OXR1: variants seen among roughly 807,000 people sequenced by gnomAD.
The protein encoded by OXR1 is oxidation resistance 1, also known as oxidation resistance protein 1.
OXR1 carries 41 observed loss-of-function variants against 104.6 expected under a neutral mutation model. The observed-to-expected ratio is 0.39, with a 90% CI of 0.31 to 0.51. The LOEUF is 0.51. Ranked by LOEUF, OXR1 falls within the 20% of genes least tolerant of loss-of-function variation. The pLI is 0.77. For missense variants in OXR1, 955 were observed against 1,031.9 expected (o/e 0.93, Z 1.02); for synonymous variants, 348 against 348.4 (o/e 1.00, Z 0.01).
intron 3 of OXR1, among the ~76,000 whole-genome samples, chr8:106,575,985 AACACACACACACACACAC>A (rs35038334): frequency 6.9e-6 from 1 of 144,296 alleles, no homozygotes; most frequent in African/African-American, 2.6e-5. Flanking sequence ...AAATGTTTAT[AACACACACACACACACAC>A]ACACACACAC....
At chr8:106,366,843 G>C (rs1055840223) in intron 2 of OXR1, among the ~76,000 whole-genome samples, 1 of 151,300 alleles carries the variant, frequency 6.6e-6, no homozygotes, top group Non-Finnish European at 1.5e-5. Flanking sequence ...CAAGTTTAGG[G>C]GAGCATAAAT....
chr8:106,671,044 C>CAAAAAAAAAAAAAAA (rs60404483), intron 3 of OXR1, among the ~76,000 whole-genome samples: 20 of 48,940 alleles, frequency 4.1e-4, no homozygotes, highest in Admixed American at 8.9e-4. Flanking sequence ...GACTCTGTCT[C>CAAAAAAAAAAAAAAA]AAAAAAAAAA....
At chr8:106,318,993 A>G (rs114719531) in intron 1 of OXR1, among the ~76,000 whole-genome samples, 2,330 of 152,276 alleles carry the variant, frequency 0.015, 63 homozygotes, top group African/African-American at 0.053. Flanking sequence ...GACTATTTGA[A>G]TAGTTGATAT....
chr8:106,447,833 G>A lies in OXR1; in HGVS notation c.24-71110G>A, dbSNP rs16874662. The A allele has an allele frequency of 0.021, 27,901 of 1,358,380 alleles. 4,855 individuals are homozygous for A. The African/African-American group carries it at 0.37, about 18-fold the overall frequency. 84.1% of individuals were successfully genotyped at this position (1,358,380 alleles called of 1,614,324 possible). A position where few individuals can be genotyped will look rare whatever the true frequency, so the allele number is the denominator to read the frequency against. ...TTGGGTGATAACAGCTTGCTGTGTG[G>A]GATTTGGGTCTCTTTTTGCCTTAGA... On this transcript the variant is annotated intron_variant, in intron 2 of 16. Coordinates refer to ENST00000517566, the MANE Select transcript of OXR1 (RefSeq NM_001198533.2).
At chr8:106,718,315 A>G (rs981428263) in intron 11 of OXR1, among the ~76,000 whole-genome samples, 2 of 152,212 alleles carry the variant, frequency 1.3e-5, no homozygotes, top group Non-Finnish European at 2.9e-5. Flanking sequence ...ATTTCCAAAT[A>G]TGAACATTGA....
At chr8:106,573,355 ACACAC>A (rs1817611788) in intron 3 of OXR1, among the ~76,000 whole-genome samples, 1 of 151,162 alleles carries the variant, frequency 6.6e-6, no homozygotes, top group Non-Finnish European at 1.5e-5. Context: ...ACACACACAC[ACACAC>A]ACACACACAC....
intron 3 of OXR1, chr8:106,581,054 A>G (rs541462853): frequency 1.7e-6 from 2 of 1,160,322 alleles, no homozygotes; most frequent in South Asian, 3.6e-5. Context: ...GAAGGTGTAG[A>G]CTTCTCACTT....
chr8:106,720,913 T>C (rs571243707), intron 11 of OXR1, among the ~76,000 whole-genome samples: 1 of 152,338 alleles, frequency 6.6e-6, no homozygotes, highest in East Asian at 1.9e-4. Flanking sequence ...TTATAATTTA[T>C]TTGTTGTAAT....
At chr8:106,564,194 G>T (rs977460092) in intron 3 of OXR1, among the ~76,000 whole-genome samples, 1 of 152,080 alleles carries the variant, frequency 6.6e-6, no homozygotes, top group African/African-American at 2.4e-5. Context: ...GAATCCAGGA[G>T]CCAGTTTTTT....
intron 1 of OXR1, among the ~76,000 whole-genome samples, chr8:106,308,680 T>C (rs1192612120): frequency 6.6e-6 from 1 of 152,154 alleles, no homozygotes; most frequent in Admixed American, 6.5e-5. Flanking sequence ...TGATCGCCTA[T>C]TGATTAATGC....
chr8:106,272,251 G>C (rs1183886332), intron 1 of OXR1: 2 of 152,300 alleles, frequency 1.3e-5, no homozygotes, highest in Non-Finnish European at 2.9e-5. Context: ...GCCCGGCGTT[G>C]GGTGAGAGTG....
intron 16 of OXR1, among the ~76,000 whole-genome samples, chr8:106,749,300 G>A (rs1057162994): frequency 8.7e-5 from 13 of 148,832 alleles, no homozygotes; most frequent in African/African-American, 3.0e-4. Context: ...CCAAGATCAC[G>A]CCACTGCACT....
chr8:106,597,083 C>T (rs909405342), intron 3 of OXR1, among the ~76,000 whole-genome samples: 5 of 151,978 alleles, frequency 3.3e-5, no homozygotes, highest in Admixed American at 2.6e-4. Flanking sequence ...AGAACTAGTA[C>T]GTGGTATGTA....
intron 3 of OXR1, among the ~76,000 whole-genome samples, chr8:106,630,523 C>T (rs1009860722): frequency 6.6e-6 from 1 of 152,122 alleles, no homozygotes; most frequent in Non-Finnish European, 1.5e-5. Flanking sequence ...ATTATTGTGT[C>T]GCTGTAAGGT....
intron 16 of OXR1, among the ~76,000 whole-genome samples, chr8:106,746,398 G>C (rs888113888): frequency 1.5e-5 from 1 of 64,830 alleles, no homozygotes; most frequent in East Asian, 5.2e-4. Context: ...TTTTTATTTG[G>C]TATCCCAGCC....
intron 1 of OXR1, among the ~76,000 whole-genome samples, chr8:106,293,869 A>C (rs1319298655): frequency 6.6e-6 from 1 of 151,728 alleles, no homozygotes; most frequent in African/African-American, 2.4e-5. Flanking sequence ...GTCTCCCAAC[A>C]CTTTTGTATT....
At chr8:106,449,637 G>A (rs1177261781) in intron 2 of OXR1, among the ~76,000 whole-genome samples, 4 of 152,016 alleles carry the variant, frequency 2.6e-5, no homozygotes, top group African/African-American at 9.7e-5. Flanking sequence ...ACAGAAGCTT[G>A]GTAATAGATT....
chr8:106,405,202 AGT>A (rs58338664), intron 2 of OXR1, among the ~76,000 whole-genome samples: 554 of 19,784 alleles, frequency 0.028, 4 homozygotes, highest in Middle Eastern at 0.062. Context: ...ATATATATAT[AGT>A]GTGTGTGTGT....
chr8:106,687,988 T>G (rs552144759), intron 6 of OXR1, among the ~76,000 whole-genome samples: 4 of 152,286 alleles, frequency 2.6e-5, no homozygotes, highest in African/African-American at 9.6e-5. Flanking sequence ...TTAAGTAATA[T>G]TTAATCATTA....
Sources: gnomAD v4.1 joint callset for allele counts (sites outside exome capture counted in the v4.1 genomes callset) on GRCh38, gnomAD v4.1.1 for gene constraint, MANE v1.5 for transcripts, NCBI Gene and HGNC (gene_info 2026-07-23, HGNC 2026-07-21) for gene names.